CLUL1: variants seen among roughly 807,000 people sequenced by gnomAD.
CLUL1 encodes the protein clusterin-like protein 1.
CLUL1 carries 43 observed loss-of-function variants against 49.4 expected under a neutral mutation model. The observed-to-expected ratio is 0.87, with a 90% confidence interval of 0.68 to 1.12. CLUL1 has a LOEUF of 1.12. Ranked by LOEUF, CLUL1 falls within the 50% of genes most tolerant of loss-of-function variation. The probability of loss-of-function intolerance (pLI) is 0.00; values close to 1 mark genes in which losing one functional copy is unlikely to be tolerated. For synonymous variants in CLUL1, 192 were observed against 184.9 expected, an observed-to-expected ratio of 1.04 and a Z score of -0.31; for missense variants, 486 against 544.4, an observed-to-expected ratio of 0.89 and a Z score of 1.07.
intron 7 of CLUL1, among the ~76,000 whole-genome samples, chr18:636,427 G>A (rs977784749): frequency 3.8e-5 from 1 of 26,232 alleles, no homozygotes; most frequent in African/African-American, 2.4e-4. Flanking sequence ...ATTATGAAAT[G>A]TCTTTCCATT....
intron 7 of CLUL1, among the ~76,000 whole-genome samples, chr18:636,734 T>C (rs1172407002): frequency 7.3e-5 from 11 of 151,138 alleles, no homozygotes; most frequent in Admixed American, 7.3e-4. Flanking sequence ...CAAGTGATTC[T>C]CCTGCCTCAG....
At chr18:631,332 G>A (rs11662817) in intron 6 of CLUL1, among the ~76,000 whole-genome samples, 64,667 of 151,758 alleles carry the variant, frequency 0.43, 14,267 homozygotes, top group East Asian at 0.76. Flanking sequence ...ATCCCTGGAA[G>A]GAACAGATGA....
intron 7 of CLUL1, among the ~76,000 whole-genome samples, chr18:636,943 A>T (rs1180345019): frequency 6.6e-6 from 1 of 151,202 alleles, no homozygotes; most frequent in East Asian, 2.0e-4. Context: ...TCCTTTTTAA[A>T]TATCACCAGC....
At position 645,080 on chromosome 18, in the gene CLUL1, G is replaced by A; in HGVS notation, c.1380G>A (p.Lys460=). The A allele has an allele frequency of 6.2e-7, 1 of 1,603,644 alleles. No homozygotes were observed. The highest frequency in any genetic ancestry group is 8.5e-7 in the Non-Finnish European group (1 of 1,175,692). The change falls in exon 9 of 10, where the codon AAG becomes AAA. Residue 460 remains lysine, a synonymous_variant. Coordinates refer to ENST00000692774, the MANE Select transcript of CLUL1 (RefSeq NM_001393344.1). Reference sequence around the variant, plus strand: ...TGGCAAAAGCTCTACAGCATTTTAAGGAACATTTTAAAACCTGGTAAGCAG... The same window carrying A: ...TGGCAAAAGCTCTACAGCATTTTAAAGAACATTTTAAAACCTGGTAAGCAG... ...YVVAKALQHF[K]EHFKTW is the part of the protein sequence containing the mutation.
chr18:604,790 A>C (rs1210363299), intron 1 of CLUL1, among the ~76,000 whole-genome samples: 1 of 152,208 alleles, frequency 6.6e-6, no homozygotes, highest in Non-Finnish European at 1.5e-5. Context: ...CTCTCAGGAA[A>C]GAGTGGGGTC....
At chr18:616,089 C>T (rs1466878454) in intron 2 of CLUL1, among the ~76,000 whole-genome samples, 5 of 152,160 alleles carry the variant, frequency 3.3e-5, no homozygotes, top group South Asian at 2.1e-4. Flanking sequence ...AGAGACCCAT[C>T]GTGTAGATTC....
intron 2 of CLUL1, among the ~76,000 whole-genome samples, chr18:613,894 T>C (rs868248831): frequency 2.0e-5 from 3 of 152,222 alleles, no homozygotes; most frequent in South Asian, 2.1e-4. Flanking sequence ...GCTGTAATTC[T>C]TCATTTTACA....
chr18:623,684 A>G (rs977134756), intron 4 of CLUL1, among the ~76,000 whole-genome samples: 1 of 149,296 alleles, frequency 6.7e-6, no homozygotes, highest in African/African-American at 2.4e-5. Context: ...TAAGATTCCA[A>G]AATTGTTCTA....
chr18:616,519 A>G (rs1245472980), intron 2 of CLUL1, among the ~76,000 whole-genome samples: 2 of 152,258 alleles, frequency 1.3e-5, no homozygotes, highest in Non-Finnish European at 2.9e-5. Context: ...ATAGGAAGGT[A>G]GCCCAAGGTC....
At position 618,142 on chromosome 18, in the gene CLUL1, T is replaced by G. The variant is rs759534071; in HGVS notation, c.106+36T>G. 6.7e-7 allele frequency: 1 copy of G among 1,481,746 alleles called. No individual in the cohort carries two copies. Among genetic ancestry groups the G allele is most frequent in the South Asian group, 1.1e-5 (1 of 87,902 alleles). 91.8% of individuals were successfully genotyped at this position (1,481,746 alleles called of 1,614,324 possible). A position where few individuals can be genotyped will look rare whatever the true frequency, so the allele number is the denominator to read the frequency against. The stretch of plus-strand genomic sequence containing the variant: ...TTTCTTATCTGTGCTGTGTCCTGTT[T>G]GCATGTTGGTTGTCCTGCTGGCGTT... On this transcript the variant is annotated intron_variant, in intron 3 of 9. Transcript: ENST00000692774. The surrounding 1 kb of genome is among the most constrained non-coding windows in gnomAD (Gnocchi z 4.2).
At chr18:626,863 A>ATAAG (rs2073735037) in intron 5 of CLUL1, among the ~76,000 whole-genome samples, 1 of 94,120 alleles carries the variant, frequency 1.1e-5, no homozygotes, top group South Asian at 3.7e-4. Flanking sequence ...TCCATCTCAA[A>ATAAG]TAAGAAAGAA....
chr18:618,209 T>C lies in CLUL1; in HGVS notation c.106+103T>C. On this transcript the variant is annotated intron_variant, in intron 3 of 9. Coordinates refer to ENST00000692774, the MANE Select transcript of CLUL1 (RefSeq NM_001393344.1). This position sits in a 1 kb window ranked among gnomAD's most constrained non-coding sequence, Gnocchi z 4.2. ...TGAGAGATAACCATATTCGCTGTTT[T>C]CACGGTGAAACGTTCTCAAGGCGCT... 1.2e-6 allele frequency: 1 copy of C among 854,704 alleles called. No homozygotes were observed. The highest frequency in any genetic ancestry group is 2.2e-5 in the Admixed American group (1 of 45,574). The allele number at this position is 854,704 out of a possible 1,614,324, so 52.9% of individuals were successfully genotyped here. A position where few individuals can be genotyped will look rare whatever the true frequency, so the allele number is the denominator to read the frequency against.
chr18:611,414 AG>A (rs2073130638), intron 2 of CLUL1, among the ~76,000 whole-genome samples: 1 of 151,994 alleles, frequency 6.6e-6, no homozygotes, highest in Admixed American at 6.6e-5. Context: ...AAGGATTAGG[AG>A]GGCTCAGGCA....
At chr18:645,743 G>A (rs1245155940) in intron 9 of CLUL1, among the ~76,000 whole-genome samples, 3 of 131,398 alleles carry the variant, frequency 2.3e-5, no homozygotes, top group Admixed American at 8.4e-5. Context: ...GCAGTGAGCA[G>A]AGATCGCGCC....
chr18:641,638 A>C, intron 8 of CLUL1, 97 bp downstream of exon 8: 1 of 1,009,800 alleles, frequency 9.9e-7, no homozygotes, highest in Non-Finnish European at 1.5e-6. Flanking sequence ...TTTGAAAACA[A>C]GCTGTAGGAG....
chr18:613,477 T>C (rs533525626), intron 2 of CLUL1, among the ~76,000 whole-genome samples: 24 of 140,774 alleles, frequency 1.7e-4, no homozygotes, highest in African/African-American at 6.2e-4. Context: ...TTTTTTGAGA[T>C]GGAGTCTCGC....
chr18:633,239 C>T (rs1458481201), intron 6 of CLUL1, 59 bp from the exon 7 acceptor site: 9 of 1,464,358 alleles, frequency 6.1e-6, no homozygotes, highest in Non-Finnish European at 8.3e-6. Context: ...GCATTGTCTC[C>T]ACTTCTTCAA....
chr18:600,611 A>G (rs2072801326), intron 1 of CLUL1, among the ~76,000 whole-genome samples: 9 of 152,252 alleles, frequency 5.9e-5, no homozygotes, highest in Admixed American at 5.2e-4. Context: ...TATTATTTCT[A>G]GAAATATGCT....
chr18:640,271 A>G (rs915405338), intron 7 of CLUL1, among the ~76,000 whole-genome samples: 12 of 151,940 alleles, frequency 7.9e-5, no homozygotes, highest in Non-Finnish European at 1.6e-4. Context: ...TTAGCCGGGC[A>G]TGGTGGTGTG....
Sources: gnomAD v4.1 joint callset for allele counts (sites outside exome capture counted in the v4.1 genomes callset) on GRCh38, gnomAD v4.1.1 for gene constraint, Gnocchi (gnomAD v3.1) non-coding constraint, MANE v1.5 for transcripts, NCBI Gene and HGNC (gene_info 2026-07-23, HGNC 2026-07-21) for gene names.